SLC8A1: variants seen among roughly 807,000 people sequenced by gnomAD.
The protein encoded by SLC8A1 is solute carrier family 8 member A1, also known as sodium/calcium exchanger 1.
SLC8A1 carries 18 observed loss-of-function variants against 68.3 expected under a neutral mutation model. The ratio of observed to expected loss-of-function variants is 0.26; its 90% confidence interval spans 0.18 to 0.39. The LOEUF is 0.39. Ranked by LOEUF, SLC8A1 falls within the 10% of genes least tolerant of loss-of-function variation. The pLI, the probability that SLC8A1 is intolerant of heterozygous loss-of-function variation, is 1.00. For missense variants in SLC8A1, 985 were observed against 1,156.7 expected (o/e 0.85, Z 2.15); for synonymous variants, 475 against 415.5 (o/e 1.14, Z -1.74).
chr2:40,152,635 C>G (rs2043663339), intron 6 of SLC8A1, among the ~76,000 whole-genome samples: 1 of 150,412 alleles, frequency 6.6e-6, no homozygotes, highest in South Asian at 2.1e-4. Flanking sequence ...AGGCTGGTCT[C>G]AAACTCCTGG....
chr2:40,224,322 T>G (rs921063446), intron 2 of SLC8A1, among the ~76,000 whole-genome samples: 1 of 152,096 alleles, frequency 6.6e-6, no homozygotes, highest in African/African-American at 2.4e-5. Flanking sequence ...AACAGTGTAC[T>G]TTGTCTCTCA....
At chr2:40,250,546 C>T (rs201128480) in intron 2 of SLC8A1, 5 of 152,114 alleles carry the variant, frequency 3.3e-5, no homozygotes, top group African/African-American at 9.6e-5. Context: ...TCAGGAGACT[C>T]GTGTGTTTAT....
At chr2:40,383,512 C>T (rs2149563566) in intron 2 of SLC8A1, among the ~76,000 whole-genome samples, 1 of 152,158 alleles carries the variant, frequency 6.6e-6, no homozygotes, top group East Asian at 1.9e-4. Flanking sequence ...TGCCATGTGA[C>T]AGACCTGTGT....
intron 2 of SLC8A1, among the ~76,000 whole-genome samples, chr2:40,203,352 T>C (rs2054774370): frequency 6.6e-6 from 1 of 151,992 alleles, no homozygotes; most frequent in South Asian, 2.1e-4. Context: ...AAGAACTTTG[T>C]TGTGATATAT....
At chr2:40,455,514 G>T (rs961442346), upstream of SLC8A1, among the ~76,000 whole-genome samples, 1 of 152,054 alleles carries the variant, frequency 6.6e-6, no homozygotes, top group African/African-American at 2.4e-5. Flanking sequence ...TTCAGTCACA[G>T]GCTCAGTTTC....
intron 2 of SLC8A1, among the ~76,000 whole-genome samples, chr2:40,409,759 C>T (rs1017079358): frequency 4.6e-5 from 7 of 152,288 alleles, no homozygotes; most frequent in African/African-American, 1.7e-4. Context: ...TCCAGTGCCA[C>T]ATCATCCACC....
chr2:40,114,821 A>G (rs1435036348), exon 8 of SLC8A1: 1 of 152,432 alleles, frequency 6.6e-6, no homozygotes, highest in African/African-American at 2.4e-5. Flanking sequence ...ATTTTTACCA[A>G]AACCCATTTA....
intron 2 of SLC8A1, chr2:40,177,997 A>G: frequency 1.6e-6 from 1 of 635,630 alleles, no homozygotes; most frequent in Non-Finnish European, 2.8e-6. Flanking sequence ...GTAAAAGGGC[A>G]TCTTGGGTAC....
chr2:40,117,113 T>C (rs941940170), intron 7 of SLC8A1: 1 of 152,216 alleles, frequency 6.6e-6, no homozygotes, highest in East Asian at 1.9e-4. Context: ...CTGTTTTTGT[T>C]GTTTTGGAAA....
chr2:40,185,290 T>C (rs7563045), intron 2 of SLC8A1, among the ~76,000 whole-genome samples: 19,276 of 152,266 alleles, frequency 0.13, 1,336 homozygotes, highest in African/African-American at 0.16. Context: ...AACTTGTGCA[T>C]GAATTTTCAT....
At chr2:40,405,233 T>C (rs538867959) in intron 2 of SLC8A1, among the ~76,000 whole-genome samples, 8 of 152,348 alleles carry the variant, frequency 5.3e-5, no homozygotes, top group African/African-American at 1.9e-4. Context: ...CCATTCTTAT[T>C]ACCGAGTGGA....
At chr2:40,394,368 A>C (rs1686252568) in intron 2 of SLC8A1, among the ~76,000 whole-genome samples, 1 of 151,944 alleles carries the variant, frequency 6.6e-6, no homozygotes, top group South Asian at 2.1e-4. Flanking sequence ...TCTAACGTGG[A>C]TTCATCAGGG....
At chr2:40,498,105 A>C (rs947763285) in intron 1 of SLC8A1, among the ~76,000 whole-genome samples, 37 of 152,074 alleles carry the variant, frequency 2.4e-4, no homozygotes, top group Non-Finnish European at 4.4e-4. Flanking sequence ...AGTTAACCAA[A>C]GAGTTAGATA....
intron 2 of SLC8A1, among the ~76,000 whole-genome samples, chr2:40,333,510 T>C (rs2076653128): frequency 6.6e-6 from 1 of 150,720 alleles, no homozygotes; most frequent in South Asian, 2.1e-4. Context: ...CATAAGAATG[T>C]TGAGGTAACC....
At chr2:40,238,670 G>A (rs1463353515) in intron 2 of SLC8A1, among the ~76,000 whole-genome samples, 5 of 152,194 alleles carry the variant, frequency 3.3e-5, no homozygotes, top group Non-Finnish European at 5.9e-5. Flanking sequence ...CCAAGCTAGA[G>A]CTATGCAATC....
At chr2:40,413,054 C>T (rs956336214) in intron 2 of SLC8A1, among the ~76,000 whole-genome samples, 1 of 152,110 alleles carries the variant, frequency 6.6e-6, no homozygotes, top group Non-Finnish European at 1.5e-5. Context: ...CCTCCTCCCT[C>T]TCACCTCACA....
At position 40,370,911 on chromosome 2, in the gene SLC8A1, A is replaced by G. The variant is rs547997801; in HGVS notation, c.1808+57562T>C. On this transcript the variant is annotated intron_variant, in intron 2 of 7. Transcript: ENST00000406785. ...CCCCAAAGCTCATGAAGCCAAGGTC[A>G]GTGCATTTTATTTAGCATGACTTAG... Among the ~76,000 whole-genome samples, 3 of 152,212 alleles carry G rather than the reference A, an allele frequency of 2.0e-5. No homozygotes were observed. The East Asian group carries it at 5.8e-4, about 30-fold the overall frequency.
At chr2:40,423,258 T>C (rs1695990581) in intron 2 of SLC8A1, among the ~76,000 whole-genome samples, 1 of 152,092 alleles carries the variant, frequency 6.6e-6, no homozygotes, top group Non-Finnish European at 1.5e-5. Context: ...ATTTTCCTTT[T>C]AAATTATGCT....
chr2:40,337,055 C>A (rs1324711355), intron 2 of SLC8A1, among the ~76,000 whole-genome samples: 2 of 152,138 alleles, frequency 1.3e-5, no homozygotes, highest in African/African-American at 4.8e-5. Context: ...AGAAGCCAAC[C>A]AATTTTTCTC....
Sources: gnomAD v4.1 joint callset for allele counts (sites outside exome capture counted in the v4.1 genomes callset) on GRCh38, gnomAD v4.1.1 for gene constraint, MANE v1.5 for transcripts, NCBI Gene and HGNC (gene_info 2026-07-23, HGNC 2026-07-21) for gene names.